PIK3CB: variants seen among roughly 807,000 people sequenced by gnomAD.
The protein encoded by PIK3CB is phosphatidylinositol 4,5-bisphosphate 3-kinase catalytic subunit beta isoform.
Under a neutral mutation model 136.8 loss-of-function variants are expected in PIK3CB, and 39 were observed. The observed-to-expected ratio is 0.29, with a 90% CI of 0.22 to 0.37. PIK3CB has a LOEUF of 0.37. Among genes scored for constraint, PIK3CB ranks in the 10% least tolerant of loss-of-function variants. PIK3CB has a pLI of 1.00. For missense variants in PIK3CB, 868 were observed against 1,275.4 expected (o/e 0.68, Z 4.87); for synonymous variants, 428 against 436.6 (o/e 0.98, Z 0.25).
chr3:138,765,112 G>C (rs1404577693), intron 2 of PIK3CB, among the ~76,000 whole-genome samples: 1 of 152,184 alleles, frequency 6.6e-6, no homozygotes, highest in African/African-American at 2.4e-5. Context: ...TTGAGGTCAG[G>C]AGTTCGAGAC....
At chr3:138,718,075 G>A (rs927411004) in intron 8 of PIK3CB, among the ~76,000 whole-genome samples, 1 of 152,128 alleles carries the variant, frequency 6.6e-6, no homozygotes, top group Non-Finnish European at 1.5e-5. Context: ...TGGGTCAAAT[G>A]GTAGTTCTGC....
At chr3:138,683,581 G>T (rs1381860067) in intron 18 of PIK3CB, 97 bp downstream of exon 18, 2 of 706,734 alleles carry the variant, frequency 2.8e-6, no homozygotes, top group African/African-American at 1.8e-5. Context: ...GCTGCAAATT[G>T]TTACACACTT....
chr3:138,827,707 C>T (rs1933845106), intron 1 of PIK3CB, among the ~76,000 whole-genome samples: 1 of 151,206 alleles, frequency 6.6e-6, no homozygotes, highest in Non-Finnish European at 1.5e-5. Flanking sequence ...AGGCCGGGCC[C>T]GGGGGCTCAC....
intron 6 of PIK3CB, among the ~76,000 whole-genome samples, chr3:138,735,189 T>C (rs1279809795): frequency 6.6e-6 from 1 of 152,010 alleles, no homozygotes; most frequent in African/African-American, 2.4e-5. Flanking sequence ...GCTGAAGTGA[T>C]CTGCCTACCT....
chr3:138,700,895 C>G (rs966354597), intron 12 of PIK3CB, among the ~76,000 whole-genome samples: 1 of 152,262 alleles, frequency 6.6e-6, no homozygotes, highest in East Asian at 1.9e-4. Context: ...TGGGTGACAG[C>G]TTGATCTGAA....
intron 2 of PIK3CB, chr3:138,777,971 G>A: frequency 2.6e-6 from 1 of 380,740 alleles, no homozygotes; most frequent in Non-Finnish European, 5.2e-6. Context: ...GTTCCATGAT[G>A]ATTCTACCCA....
At chr3:138,832,059 T>A (rs1934062198) in intron 1 of PIK3CB, among the ~76,000 whole-genome samples, 1 of 152,240 alleles carries the variant, frequency 6.6e-6, no homozygotes, top group African/African-American at 2.4e-5. Context: ...GCAGTAGTTC[T>A]ACTGTTGAGT....
At chr3:138,660,573 T>C (rs2043278695) in intron 21 of PIK3CB, among the ~76,000 whole-genome samples, 2 of 152,142 alleles carry the variant, frequency 1.3e-5, no homozygotes, top group South Asian at 4.1e-4. Context: ...GCTGGGGAGA[T>C]ACTGGTCAAA....
At chr3:138,787,071 GCGTAAACAT>G (rs1276836442) in intron 2 of PIK3CB, among the ~76,000 whole-genome samples, 2 of 152,084 alleles carry the variant, frequency 1.3e-5, no homozygotes, top group Non-Finnish European at 2.9e-5. Flanking sequence ...TTTTCTAACT[GCGTAAACAT>G]CCATACATAT....
chr3:138,662,953 AC>A (rs2043328451), intron 21 of PIK3CB, among the ~76,000 whole-genome samples: 1 of 152,160 alleles, frequency 6.6e-6, no homozygotes, highest in African/African-American at 2.4e-5. Flanking sequence ...AACCATAAAA[AC>A]CCTAGAAGAA....
intron 21 of PIK3CB, 78 bp from the exon 22 acceptor site, chr3:138,657,913 A>G: frequency 7.1e-7 from 1 of 1,413,874 alleles, no homozygotes; most frequent in Non-Finnish European, 9.6e-7. Flanking sequence ...CCATAGTCCT[A>G]GACCCCCAGG....
chr3:138,787,715 GTA>G (rs1331088356), intron 2 of PIK3CB, among the ~76,000 whole-genome samples: 14 of 143,674 alleles, frequency 9.7e-5, no homozygotes, highest in African/African-American at 3.4e-4. Flanking sequence ...GTTAACAAAT[GTA>G]TTCTTTTTTT....
chr3:138,806,148 A>T (rs943681332), intron 1 of PIK3CB, among the ~76,000 whole-genome samples: 14 of 152,138 alleles, frequency 9.2e-5, no homozygotes, highest in South Asian at 4.2e-4. Context: ...AATTATACAC[A>T]TATCAGTGGT....
chr3:138,662,226 G>C (rs1471504842), intron 21 of PIK3CB, among the ~76,000 whole-genome samples: 1 of 147,376 alleles, frequency 6.8e-6, no homozygotes, highest in African/African-American at 2.5e-5. Context: ...TCGTCCTTTA[G>C]CATTAGGTAT....
chr3:138,740,104 T>C (rs1335565586), intron 5 of PIK3CB, among the ~76,000 whole-genome samples: 1 of 151,562 alleles, frequency 6.6e-6, no homozygotes, highest in Non-Finnish European at 1.5e-5. Flanking sequence ...ACACCTGTAA[T>C]CCCAGCACCT....
intron 2 of PIK3CB, among the ~76,000 whole-genome samples, chr3:138,789,619 A>G (rs2046025520): frequency 6.6e-6 from 1 of 152,016 alleles, no homozygotes. Flanking sequence ...TAGAAACAGC[A>G]CCAGTGTCAC....
intron 2 of PIK3CB, among the ~76,000 whole-genome samples, chr3:138,789,080 G>A (rs532875967): frequency 6.6e-6 from 1 of 151,468 alleles, no homozygotes; most frequent in Non-Finnish European, 1.5e-5. Flanking sequence ...TATTGCTGGT[G>A]CAAATATAAA....
chr3:138,720,329 A>G (rs1436523105), intron 8 of PIK3CB, among the ~76,000 whole-genome samples: 5 of 152,304 alleles, frequency 3.3e-5, no homozygotes, highest in African/African-American at 1.2e-4. Flanking sequence ...CTGTTAATAC[A>G]TTCCCAAAGG....
chr3:138,719,794 C>T (rs1414959862), intron 8 of PIK3CB, among the ~76,000 whole-genome samples: 1 of 152,010 alleles, frequency 6.6e-6, no homozygotes, highest in Non-Finnish European at 1.5e-5. Flanking sequence ...TAGCTTTAAA[C>T]ACATTACCAA....
Sources: gnomAD v4.1 joint callset for allele counts (sites outside exome capture counted in the v4.1 genomes callset) on GRCh38, gnomAD v4.1.1 for gene constraint, MANE v1.5 for transcripts, NCBI Gene and HGNC (gene_info 2026-07-23, HGNC 2026-07-21) for gene names.